Variants in KCNH7 observed in about 807,000 individuals in gnomAD.
KCNH7 encodes voltage-gated inwardly rectifying potassium channel KCNH7.
A neutral mutation model predicts 120.8 loss-of-function variants in KCNH7; 49 were observed. The ratio of observed to expected loss-of-function variants is 0.41; its 90% CI spans 0.32 to 0.51. KCNH7 has a LOEUF of 0.51. Ranked by LOEUF, KCNH7 falls within the 20% of genes least tolerant of loss-of-function variation. The probability of loss-of-function intolerance (pLI) is 0.38; values close to 1 mark genes in which losing one functional copy is unlikely to be tolerated. For missense variants in KCNH7, 1,097 were observed against 1,446.6 expected, an observed-to-expected ratio of 0.76 and a Z score of 3.92; for synonymous variants, 547 against 516.1, an observed-to-expected ratio of 1.06 and a Z score of -0.81.
intron 2 of KCNH7, among the ~76,000 whole-genome samples, chr2:162,664,218 TC>T (rs1367271936): frequency 6.6e-6 from 1 of 152,172 alleles, no homozygotes. Context: ...TGACCCTTTC[TC>T]CAGAGAAGTG....
chr2:162,461,666 G>A (rs1418188564), intron 6 of KCNH7, among the ~76,000 whole-genome samples: 1 of 152,164 alleles, frequency 6.6e-6, no homozygotes, highest in African/African-American at 2.4e-5. Flanking sequence ...ATGTTTCATT[G>A]TTTGTGTACA....
chr2:162,668,268 T>C (rs1017592298), intron 2 of KCNH7, among the ~76,000 whole-genome samples: 3 of 152,180 alleles, frequency 2.0e-5, no homozygotes, highest in Non-Finnish European at 2.9e-5. Context: ...AATTTGAACA[T>C]TTGCTCACTG....
chr2:162,700,360 C>CA (rs1442061809), intron 2 of KCNH7, among the ~76,000 whole-genome samples: 3 of 152,172 alleles, frequency 2.0e-5, no homozygotes, highest in Non-Finnish European at 4.4e-5. Context: ...GTTCATGCTG[C>CA]AAGCTGACTG....
intron 10 of KCNH7, among the ~76,000 whole-genome samples, chr2:162,398,249 C>A (rs1558925471): frequency 6.6e-6 from 1 of 151,750 alleles, no homozygotes; most frequent in Non-Finnish European, 1.5e-5. Flanking sequence ...TTCTTGTACA[C>A]CTCACTGTAG....
intron 2 of KCNH7, among the ~76,000 whole-genome samples, chr2:162,818,010 A>C (rs972372439): frequency 1.3e-5 from 2 of 152,032 alleles, no homozygotes; most frequent in African/African-American, 4.8e-5. Flanking sequence ...ATTATCTGTC[A>C]GTCTGTATCA....
intron 2 of KCNH7, among the ~76,000 whole-genome samples, chr2:162,652,799 C>A (rs1254377630): frequency 6.6e-6 from 1 of 152,140 alleles, no homozygotes; most frequent in Non-Finnish European, 1.5e-5. Context: ...TTGACACTTT[C>A]ATAACAAATA....
chr2:162,746,826 G>C (rs939762539), intron 2 of KCNH7, among the ~76,000 whole-genome samples: 1 of 152,030 alleles, frequency 6.6e-6, no homozygotes, highest in African/African-American at 2.4e-5. Context: ...ATTAAAACTT[G>C]AGTTGTCCAT....
At chr2:162,619,972 A>G (rs12473146) in intron 2 of KCNH7, among the ~76,000 whole-genome samples, 6,725 of 151,970 alleles carry the variant, frequency 0.044, 285 homozygotes, top group East Asian at 0.12. Flanking sequence ...CAGCTAAATT[A>G]TAATGAAGAG....
Position 162,540,826 on chromosome 2 carries a change from G to A in KCNH7, c.308-3746C>T, listed in dbSNP as rs75266926. ...GTGTGTGTGATGAATAGCTTATAGA[G>A]GAGGCCAGGATGGAAGGAGGGAGAC... is the stretch of plus-strand genomic sequence containing the variant. On this transcript the variant is annotated intron_variant, in intron 2 of 15. Coordinates refer to ENST00000332142, the MANE Select transcript of KCNH7 (RefSeq NM_033272.4). 8.2e-4 allele frequency among the ~76,000 whole-genome samples: 125 copies of A among 152,220 alleles called. 3 individuals carry two copies. In the East Asian group the frequency reaches 0.021, roughly 25 times the overall value.
At chr2:162,494,791 G>A (rs1224849104) in intron 6 of KCNH7, among the ~76,000 whole-genome samples, 1 of 152,108 alleles carries the variant, frequency 6.6e-6, no homozygotes, top group African/African-American at 2.4e-5. Flanking sequence ...TTTGGAGATT[G>A]TGGCATTGGA....
chr2:162,540,711 A>T (rs1692274776), intron 2 of KCNH7, among the ~76,000 whole-genome samples: 1 of 152,056 alleles, frequency 6.6e-6, no homozygotes, highest in South Asian at 2.1e-4. Flanking sequence ...CAAAGAATGG[A>T]TCTGAAGCTT....
intron 5 of KCNH7, among the ~76,000 whole-genome samples, chr2:162,510,942 C>T (rs1691051295): frequency 6.6e-6 from 1 of 151,618 alleles, no homozygotes. Flanking sequence ...ATGTTTTCTC[C>T]AATTTGGGGA....
chr2:162,820,197 G>T (rs978669820), intron 2 of KCNH7, among the ~76,000 whole-genome samples: 12 of 113,696 alleles, frequency 1.1e-4, no homozygotes, highest in Non-Finnish European at 2.0e-4. Context: ...CCAGCACCAC[G>T]CCCGGCTAAT....
Position 162,446,315 on chromosome 2 carries a change from T to C in KCNH7, c.1257A>G (p.Ile419Met). The C allele has an allele frequency of 6.2e-7, 1 of 1,613,930 alleles. No homozygotes were observed. Among genetic ancestry groups the C allele is most frequent in the South Asian group, 1.1e-5 (1 of 91,076 alleles). ...VWDWLILLLV[I>M]YTAIFTPYSA... ...AGTAGGGAGTAAATATAGCAGTGTA[T>C]ATGACCAACAGCAGGATAAGCCAGT... is the stretch of plus-strand genomic sequence containing the variant. Residue 419 changes from isoleucine (I) to methionine (M), a missense_variant, in exon 7 of 16, where the codon ATA becomes ATG. By Grantham distance (10) the Ile-to-Met change is conservative. Transcript: ENST00000332142.
At chr2:162,725,501 CTTTT>C (rs1257499916) in intron 2 of KCNH7, among the ~76,000 whole-genome samples, 3 of 152,114 alleles carry the variant, frequency 2.0e-5, no homozygotes, top group Non-Finnish European at 4.4e-5. Context: ...TTCATGCAGT[CTTTT>C]TACCAAAGGT....
chr2:162,489,634 C>T (rs187174958), intron 6 of KCNH7, among the ~76,000 whole-genome samples: 1 of 152,262 alleles, frequency 6.6e-6, no homozygotes, highest in African/African-American at 2.4e-5. Flanking sequence ...AGCCAGAGTA[C>T]ATAACATTTG....
intron 6 of KCNH7, among the ~76,000 whole-genome samples, chr2:162,458,038 C>G (rs951142691): frequency 6.6e-6 from 1 of 151,816 alleles, no homozygotes; most frequent in Non-Finnish European, 1.5e-5. Context: ...GTAGTAGAAT[C>G]ACTTCAGTGT....
intron 2 of KCNH7, among the ~76,000 whole-genome samples, chr2:162,595,949 A>T (rs978102893): frequency 6.6e-6 from 1 of 152,032 alleles, no homozygotes; most frequent in African/African-American, 2.4e-5. Context: ...GAAAACAATC[A>T]CATTTATAAT....
At chr2:162,661,945 T>C (rs1684975758) in intron 2 of KCNH7, among the ~76,000 whole-genome samples, 1 of 152,110 alleles carries the variant, frequency 6.6e-6, no homozygotes, top group Non-Finnish European at 1.5e-5. Flanking sequence ...CTCATATTAT[T>C]GTTGTATGAT....
Sources: gnomAD v4.1 joint callset for allele counts (sites outside exome capture counted in the v4.1 genomes callset) on GRCh38, gnomAD v4.1.1 for gene constraint, MANE v1.5 for transcripts, NCBI Gene and HGNC (gene_info 2026-07-23, HGNC 2026-07-21) for gene names.